The following MED14 variants were observed in gnomAD, a reference collection of about 807,000 sequenced individuals.
MED14 encodes the protein mediator of RNA polymerase II transcription subunit 14.
MED14 carries 8 observed loss-of-function variants against 109.0 expected under a neutral mutation model. The observed-to-expected ratio is 0.07, with a 90% CI of 0.04 to 0.13. The LOEUF (loss-of-function observed/expected upper bound fraction) is 0.13. Ranked by LOEUF, MED14 falls within the 10% of genes least tolerant of loss-of-function variation. The pLI, the probability that MED14 is intolerant of heterozygous loss-of-function variation, is 1.00. For synonymous variants in MED14, 399 were observed against 408.7 expected (o/e 0.98, Z 0.29); for missense variants, 711 against 1,142.4 (o/e 0.62, Z 5.44).
intron 3 of MED14, among the ~76,000 whole-genome samples, chrX:40,719,927 C>T (rs920826159): frequency 5.4e-5 from 6 of 111,987 alleles, no homozygotes; most frequent in African/African-American, 2.0e-4. Context: ...TGGATCTATA[C>T]ACTCATAACA....
At chrX:40,704,978 T>C (rs1357895666) in intron 10 of MED14, among the ~76,000 whole-genome samples, 6 of 111,663 alleles carry the variant, frequency 5.4e-5, no homozygotes, top group Admixed American at 9.5e-5. Flanking sequence ...TCTGAAATAC[T>C]TCTGGTCTCA....
At chrX:40,711,586 T>C (rs1931337238) in intron 7 of MED14, among the ~76,000 whole-genome samples, 1 of 111,437 alleles carries the variant, frequency 9.0e-6, no homozygotes, top group Non-Finnish European at 1.9e-5. Flanking sequence ...GACCAAATAG[T>C]ACTATTTTTT....
intron 21 of MED14, among the ~76,000 whole-genome samples, chrX:40,679,479 C>T (rs1000956177): frequency 5.4e-5 from 6 of 111,616 alleles, no homozygotes; most frequent in Non-Finnish European, 7.5e-5. Flanking sequence ...TGCACTCCAG[C>T]CTGGGTGACA....
At chrX:40,711,833 G>A (rs747278148) in intron 7 of MED14, among the ~76,000 whole-genome samples, 14 of 106,521 alleles carry the variant, frequency 1.3e-4, no homozygotes, top group Non-Finnish European at 2.1e-4. Context: ...GTTTCACCAT[G>A]GTGGCCAGGC....
At chrX:40,708,014 G>T (rs894149279) in intron 10 of MED14, among the ~76,000 whole-genome samples, 3 of 110,594 alleles carry the variant, frequency 2.7e-5, no homozygotes, top group African/African-American at 9.9e-5. Context: ...TAATTTTTAG[G>T]TCTGTATTTA....
intron 30 of MED14, among the ~76,000 whole-genome samples, chrX:40,652,699 G>A: frequency 8.9e-6 from 1 of 112,081 alleles, no homozygotes; most frequent in East Asian, 2.8e-4. Context: ...TGTGGGTGGG[G>A]AGGGTGCTGG....
In MED14 at chrX:40,650,182, A is replaced by C. The variant is rs1928811317; in HGVS notation, c.*1624T>G. On this transcript the variant is annotated 3_prime_UTR_variant, in exon 31 of 31. Transcript: ENST00000324817. ...GAACTAAAAACAGAAGGATAAAAAG[A>C]TTAAGTTAAAGGAAGGATAAAAGTT... 2.7e-6 allele frequency: 2 copies of C among 752,694 alleles called. No individual in the cohort carries two copies. Among genetic ancestry groups the C allele is most frequent in the Non-Finnish European group, 3.1e-6 (2 of 638,869 alleles). The allele number at this position is 752,694 out of a possible 1,213,427, so 62.0% of individuals were successfully genotyped here.
rs189207949 is a variant in MED14 at position 40,661,672 on chromosome X, G to A, written c.3684+1253C>T. ...AGTTAGGTAAATACTATTATCTGAAGAAATTTGCCTAAGCACACATTAGCA... is the reference window on the plus strand; with the variant it reads ...AGTTAGGTAAATACTATTATCTGAAAAAATTTGCCTAAGCACACATTAGCA... On this transcript the variant is annotated intron_variant, in intron 26 of 30. Transcript: ENST00000324817. Among the ~76,000 whole-genome samples the A allele has an allele frequency of 2.9e-4, 33 of 112,347 alleles. No homozygotes were observed. The East Asian group carries it at 8.3e-3, about 28-fold the overall frequency.
At chrX:40,662,010 C>T (rs774392891) in intron 26 of MED14, among the ~76,000 whole-genome samples, 2 of 109,579 alleles carry the variant, frequency 1.8e-5, no homozygotes, top group South Asian at 4.0e-4. Context: ...ATTATAGGTG[C>T]GCACCACCAT....
At position 40,695,961 on chromosome X, in the gene MED14, C is replaced by T. The variant is rs73624923; in HGVS notation, c.1650+1063G>A. The stretch of plus-strand genomic sequence containing the variant: ...ATTTTTATTTTATTTTTATAAGCGA[C>T]GAGGTCTCACTATATTGCTTAAGCT... On this transcript the variant is annotated intron_variant, in intron 13 of 30. Transcript: ENST00000324817. Among the ~76,000 whole-genome samples, 104 of 111,041 alleles carry T rather than the reference C, an allele frequency of 9.4e-4. 1 individual carries two copies. Among genetic ancestry groups the T allele is most frequent in the African/African-American group, 3.2e-3 (99 of 30,640 alleles).
intron 15 of MED14, among the ~76,000 whole-genome samples, chrX:40,691,165 A>T (rs1205364388): frequency 8.9e-6 from 1 of 112,549 alleles, no homozygotes; most frequent in Non-Finnish European, 1.9e-5. Context: ...TTCACGTTTG[A>T]GGATTATATT....
At chrX:40,692,642 A>G in intron 14 of MED14, 66 bp downstream of exon 14, 1 of 1,038,133 alleles carries the variant, frequency 9.6e-7, no homozygotes, top group South Asian at 2.2e-5. Flanking sequence ...CATATTAAAA[A>G]TGAGTAAAGA....
rs369436436 is a variant in MED14, at chrX:40,729,353, G to GA, written c.216-9dup. The GA allele has an allele frequency of 0.09, 57,416 of 636,320 alleles. 1 individual carries two copies. The highest frequency in any genetic ancestry group is 0.098 in the East Asian group (1,590 of 16,193). 52.4% of individuals were successfully genotyped at this position (636,320 alleles called of 1,213,427 possible). ...TCAGATTTCCTTGGCAGTCTAAGAA[G>GA]AAAAAAAAAAAACGGATTAGATACA... On this transcript the variant is annotated splice_polypyrimidine_tract_variant and intron_variant, in intron 1 of 30. Transcript: ENST00000324817.
In MED14 at chrX:40,675,258, G is replaced by T; in HGVS notation, c.2984C>A (p.Ser995Tyr). 2 of 1,193,544 alleles carry T rather than the reference G, an allele frequency of 1.7e-6. No individual in the cohort carries two copies. The highest frequency in any genetic ancestry group is 2.3e-6 in the Non-Finnish European group (2 of 887,924). ...PSPIGGDMMD[S>Y]LISQLQPPPQ... ...TGGTGGCTGGAGCTGCGATATTAAA[G>T]AATCCATCATATCTCCTCCTATAGG... is the stretch of plus-strand genomic sequence containing the variant. Residue 995 changes from serine (S) to tyrosine (Y), a missense_variant, in exon 22 of 31, where the codon TCT becomes TAT. Ser to Tyr is a moderately radical substitution (Grantham distance 144). Coordinates refer to ENST00000324817, the MANE Select transcript of MED14 (RefSeq NM_004229.4).
chrX:40,735,303 A>G lies in MED14; in HGVS notation c.110T>C (p.Val37Ala). ...APAPPPPGAAVAAAAAAAASP... is the reference protein window; with the variant it reads ...APAPPPPGAAAAAAAAAAASP... ...AGCCGCAGCTGCAGCGGCCGCCGCC[A>G]CGGCGGCTCCCGGGGGAGGAGGGGC... The change falls in exon 1 of 31, where the codon GTG becomes GCG. Residue 37 changes from valine to alanine, a missense_variant. This residue lies in a region of MED14 where 62 missense variants were observed against 55.2 expected (regional missense o/e 1.12). Transcript: ENST00000324817. The G allele has an allele frequency of 2.7e-6, 3 of 1,124,606 alleles. No homozygotes were observed. Among genetic ancestry groups the G allele is most frequent in the South Asian group, 4.1e-5 (2 of 48,473 alleles). The allele number at this position is 1,124,606 out of a possible 1,213,427, so 92.7% of individuals were successfully genotyped here. A position where few individuals can be genotyped will look rare whatever the true frequency, so the allele number is the denominator to read the frequency against.
chrX:40,713,762 A>C lies in MED14; in HGVS notation c.652+16T>G, dbSNP rs769676903. 8 of 1,207,811 alleles carry C rather than the reference A, an allele frequency of 6.6e-6. No homozygotes were observed. Among genetic ancestry groups the C allele is most frequent in the Non-Finnish European group, 8.9e-6 (8 of 894,048 alleles). ...CTGGCCATCAACTCTTAAAAAAATA[A>C]ATTTCAGATACATACCAACTGTAAG... On this transcript the variant is annotated intron_variant, in intron 5 of 30. Transcript: ENST00000324817.
intron 3 of MED14, among the ~76,000 whole-genome samples, chrX:40,725,158 G>A (rs960943748): frequency 1.8e-5 from 2 of 111,274 alleles, no homozygotes; most frequent in African/African-American, 6.5e-5. Context: ...AACAAGAATG[G>A]AGCTATAATT....
Position 40,735,250 on chromosome X carries a change from T to C in MED14, c.163A>G (p.Ile55Val), listed in dbSNP as rs1307013588. The part of the protein sequence containing the change: ...ASPGYRLSTL[I>V]EFLLHRAYSE... ...TAGGCCCGGTGCAGCAGAAATTCAA[T>C]GAGGGTGCTCAGCCGGTAGCCCGGG... Residue 55 changes from isoleucine to valine, a missense_variant, in exon 1 of 31, where the codon ATT (isoleucine) becomes GTT (valine). By Grantham distance (29) the Ile-to-Val change is conservative (BLOSUM62 3). Transcript: ENST00000324817. The C allele has an allele frequency of 3.5e-6, 4 of 1,147,775 alleles. No homozygotes were observed. Among genetic ancestry groups the C allele is most frequent in the Admixed American group, 2.7e-5 (1 of 37,595 alleles). 94.6% of individuals were successfully genotyped at this position (1,147,775 alleles called of 1,213,427 possible).
intron 1 of MED14, among the ~76,000 whole-genome samples, chrX:40,733,042 T>C (rs1932132300): frequency 9.0e-6 from 1 of 111,273 alleles, no homozygotes. Context: ...ATCAGCCCCA[T>C]TATGCTCAAA....
Sources: allele counts gnomAD v4.1 joint callset (sites outside exome capture counted in the v4.1 genomes callset), GRCh38; gene constraint gnomAD v4.1.1; regional missense constraint gnomAD v4.1.1; transcripts MANE v1.5; gene names NCBI Gene and HGNC (gene_info 2026-07-23, HGNC 2026-07-21).